Variants in MPP7 observed in about 807,000 individuals in gnomAD.
The protein encoded by MPP7 is MAGUK p55 scaffold protein 7, also known as MAGUK p55 subfamily member 7.
A neutral mutation model predicts 76.5 loss-of-function variants in MPP7; 60 were observed. The ratio of observed to expected loss-of-function variants is 0.78; its 90% CI spans 0.64 to 0.97. The LOEUF (loss-of-function observed/expected upper bound fraction) is 0.97. Among genes scored for constraint, MPP7 ranks in the 50% least tolerant of loss-of-function variants. The pLI is 0.00. For missense variants in MPP7, 641 were observed against 694.0 expected (o/e 0.92, Z 0.86); for synonymous variants, 237 against 244.5 (o/e 0.97, Z 0.29).
At chr10:28,189,158 T>C (rs1371154136) in intron 3 of MPP7, among the ~76,000 whole-genome samples, 58 of 152,084 alleles carry the variant, frequency 3.8e-4, no homozygotes, top group Admixed American at 3.7e-3. Flanking sequence ...TACATTAGCA[T>C]AGAGATAAGT....
At chr10:28,206,760 C>A (rs372860203) in intron 2 of MPP7, among the ~76,000 whole-genome samples, 15 of 152,052 alleles carry the variant, frequency 9.9e-5, no homozygotes, top group African/African-American at 3.4e-4. Flanking sequence ...CTACATAAAA[C>A]TGATCGGTTT....
intron 1 of MPP7, among the ~76,000 whole-genome samples, chr10:28,262,273 A>ATTTTTTTTTTTTTTTTT (rs1564741737): frequency 1.8e-5 from 1 of 54,828 alleles, no homozygotes; most frequent in African/African-American, 7.9e-5. Context: ...ATATATATAT[A>ATTTTTTTTTTTTTTTTT]TATATTTTTT....
chr10:28,205,138 C>A (rs897713259), intron 2 of MPP7, among the ~76,000 whole-genome samples: 2 of 152,078 alleles, frequency 1.3e-5, no homozygotes, highest in African/African-American at 4.8e-5. Flanking sequence ...GTAACCATGA[C>A]CACAGCAAGA....
At chr10:28,332,375 A>G (rs1196601633) in intron 1 of MPP7, among the ~76,000 whole-genome samples, 1 of 152,070 alleles carries the variant, frequency 6.6e-6, no homozygotes, top group Non-Finnish European at 1.5e-5. Context: ...CTTATGATGT[A>G]ACTTAAAGTT....
At chr10:28,080,435 A>C (rs1852705887) in intron 12 of MPP7, among the ~76,000 whole-genome samples, 1 of 152,150 alleles carries the variant, frequency 6.6e-6, no homozygotes, top group East Asian at 1.9e-4. Flanking sequence ...CTGTGTCCCC[A>C]ACTCTCCATT....
intron 3 of MPP7, among the ~76,000 whole-genome samples, chr10:28,155,977 T>C (rs1836048042): frequency 1.3e-5 from 2 of 152,124 alleles, no homozygotes; most frequent in Non-Finnish European, 1.5e-5. Context: ...GCCTCCAAGA[T>C]AAACATATAG....
At chr10:28,083,813 C>T (rs1267091703) in intron 12 of MPP7, among the ~76,000 whole-genome samples, 2 of 152,190 alleles carry the variant, frequency 1.3e-5, no homozygotes, top group African/African-American at 2.4e-5. Flanking sequence ...GCTGGGATTA[C>T]AGGCATCAGC....
At chr10:28,288,014 G>C (rs1026188410) in intron 1 of MPP7, among the ~76,000 whole-genome samples, 1 of 152,126 alleles carries the variant, frequency 6.6e-6, no homozygotes, top group Non-Finnish European at 1.5e-5. Context: ...TCCAACTACA[G>C]ATGTGCCTGA....
In MPP7 at chr10:28,051,185, G is replaced by A. The variant is rs921571328; in HGVS notation, c.*2880C>T. 2.0e-5 allele frequency: 3 copies of A among 151,960 alleles called. No individual in the cohort carries two copies. The highest frequency in any genetic ancestry group is 7.2e-5 in the African/African-American group (3 of 41,382). 9.4% of individuals were successfully genotyped at this position (151,960 alleles called of 1,614,324 possible). ...CAAGTAAGTACACACACTGTTTGAAGGTACTTTATTAAGATCAAAGATTTT... is the reference window on the plus strand; with the variant it reads ...CAAGTAAGTACACACACTGTTTGAAAGTACTTTATTAAGATCAAAGATTTT... On this transcript the variant is annotated 3_prime_UTR_variant, in exon 17 of 17. Coordinates refer to ENST00000683449, the MANE Select transcript of MPP7 (RefSeq NM_001318170.2).
chr10:28,176,771 G>A lies in MPP7; in HGVS notation c.156+25382C>T, dbSNP rs924412707. 6.0e-5 allele frequency among the ~76,000 whole-genome samples: 9 copies of A among 148,820 alleles called. No individual in the cohort carries two copies. The South Asian group carries it at 1.5e-3, about 24-fold the overall frequency. On this transcript the variant is annotated intron_variant, in intron 3 of 16. Coordinates refer to ENST00000683449, the MANE Select transcript of MPP7 (RefSeq NM_001318170.2). ...AAACCATCATTCTGAGCAAACTTTC[G>A]CAAGGATAGAAAACCAAACACCACA...
intron 12 of MPP7, among the ~76,000 whole-genome samples, chr10:28,088,900 G>C (rs546628294): frequency 6.6e-6 from 1 of 152,288 alleles, no homozygotes; most frequent in South Asian, 2.1e-4. Flanking sequence ...TTTTGAGACA[G>C]AGTCTCGCTC....
intron 2 of MPP7, among the ~76,000 whole-genome samples, chr10:28,227,449 G>T (rs557225018): frequency 6.6e-6 from 1 of 151,964 alleles, no homozygotes; most frequent in South Asian, 2.1e-4. Flanking sequence ...CTACTTTTCC[G>T]GGTGCTCTCC....
chr10:28,133,779 C>A (rs2763320), intron 5 of MPP7, among the ~76,000 whole-genome samples: 2 of 151,904 alleles, frequency 1.3e-5, no homozygotes, highest in East Asian at 3.9e-4. Flanking sequence ...CCCAAAGTGG[C>A]GATCTTTCCC....
chr10:28,144,040 G>A (rs11006895), intron 5 of MPP7, among the ~76,000 whole-genome samples: 14,936 of 151,928 alleles, frequency 0.098, 1,246 homozygotes, highest in East Asian at 0.42. Context: ...ACCTGCCACC[G>A]CCACCATACC....
chr10:28,321,501 G>A (rs992216528), intron 2 of MPP7, among the ~76,000 whole-genome samples: 2 of 152,226 alleles, frequency 1.3e-5, no homozygotes, highest in Non-Finnish European at 2.9e-5. Flanking sequence ...AGAGCTGGGA[G>A]TCAAACTGGT....
intron 12 of MPP7, among the ~76,000 whole-genome samples, chr10:28,081,664 G>GAA (rs1852765356): frequency 6.6e-6 from 1 of 151,648 alleles, no homozygotes; most frequent in Non-Finnish European, 1.5e-5. Flanking sequence ...TGATAATATA[G>GAA]AAAAATAATA....
chr10:28,151,385 AATT>A (rs1835878497), intron 3 of MPP7, among the ~76,000 whole-genome samples: 1 of 152,222 alleles, frequency 6.6e-6, no homozygotes, highest in Admixed American at 6.5e-5. Flanking sequence ...ATGAACATTT[AATT>A]TAAAACAAAA....
At chr10:28,171,723 CA>C (rs1244491837) in intron 3 of MPP7, among the ~76,000 whole-genome samples, 9 of 152,306 alleles carry the variant, frequency 5.9e-5, no homozygotes, top group African/African-American at 2.2e-4. Context: ...TCAAGGGTAA[CA>C]AAAGCACACC....
Position 28,294,053 on chromosome 10 carries a change from A to C in MPP7, c.-132+8808T>G, listed in dbSNP as rs139669933. ...CTGGGCGTGGTGGCTCACGCCTGTA[A>C]TACCAGCACTTTGGGAGGCCGAGGC... On this transcript the variant is annotated intron_variant, in intron 1 of 16. Coordinates refer to ENST00000683449, the MANE Select transcript of MPP7 (RefSeq NM_001318170.2). Among the ~76,000 whole-genome samples the C allele has an allele frequency of 3.9e-4, 60 of 152,342 alleles. 1 individual carries two copies. The highest frequency in any genetic ancestry group is 7.8e-4 in the Non-Finnish European group (53 of 68,030).
Sources: allele counts gnomAD v4.1 joint callset (sites outside exome capture counted in the v4.1 genomes callset), GRCh38; gene constraint gnomAD v4.1.1; transcripts MANE v1.5; gene names NCBI Gene and HGNC (gene_info 2026-07-23, HGNC 2026-07-21).